Variants in GRK5 observed in about 807,000 individuals in gnomAD.
GRK5 encodes the protein g protein-coupled receptor kinase GRK5.
In GRK5, 40 loss-of-function variants were observed where a neutral mutation model predicts 78.4. That is an observed-to-expected ratio of 0.51 (90% CI 0.40 to 0.66). GRK5 has a LOEUF of 0.66. Among genes scored for constraint, GRK5 ranks in the 30% least tolerant of loss-of-function variants. GRK5 has a pLI of 0.00. For missense variants in GRK5, 598 were observed against 759.9 expected, an observed-to-expected ratio of 0.79 and a Z score of 2.50; for synonymous variants, 289 against 296.8, an observed-to-expected ratio of 0.97 and a Z score of 0.27.
At chr10:119,263,103 G>A (rs1469530333) in intron 1 of GRK5, among the ~76,000 whole-genome samples, 1 of 152,098 alleles carries the variant, frequency 6.6e-6, no homozygotes, top group Non-Finnish European at 1.5e-5. Context: ...CGTCTTCTGA[G>A]TTCAAGCCAT....
At chr10:119,363,965 A>G (rs1851404715) in intron 2 of GRK5, among the ~76,000 whole-genome samples, 1 of 152,194 alleles carries the variant, frequency 6.6e-6, no homozygotes, top group African/African-American at 2.4e-5. Flanking sequence ...AGGACTATGC[A>G]TGGGTTCACG....
At chr10:119,400,505 T>C (rs1367151102) in intron 4 of GRK5, among the ~76,000 whole-genome samples, 2 of 151,976 alleles carry the variant, frequency 1.3e-5, no homozygotes, top group Admixed American at 6.6e-5. Context: ...AGAGTGCACA[T>C]GGCAGCTTCC....
At chr10:119,345,872 G>GA (rs1432441524) in intron 2 of GRK5, among the ~76,000 whole-genome samples, 1 of 149,856 alleles carries the variant, frequency 6.7e-6, no homozygotes, top group African/African-American at 2.5e-5. Flanking sequence ...TGCATAAACA[G>GA]AAAAAAACAG....
At chr10:119,438,215 AG>A (rs1388468201) in intron 9 of GRK5, among the ~76,000 whole-genome samples, 5 of 152,126 alleles carry the variant, frequency 3.3e-5, no homozygotes, top group Non-Finnish European at 7.4e-5. Flanking sequence ...CATACTCGGG[AG>A]GGGAGGAGGC....
intron 1 of GRK5, among the ~76,000 whole-genome samples, chr10:119,295,224 C>T (rs1331946961): frequency 1.3e-5 from 2 of 150,942 alleles, no homozygotes; most frequent in Non-Finnish European, 2.9e-5. Flanking sequence ...GTCAACCAGT[C>T]CCTCCATCAG....
chr10:119,245,147 G>C (rs1199580160), intron 1 of GRK5, among the ~76,000 whole-genome samples: 2 of 152,090 alleles, frequency 1.3e-5, no homozygotes, highest in African/African-American at 4.8e-5. Context: ...GCGTGGTTGC[G>C]TGTGCCTGTA....
At chr10:119,233,966 A>G (rs1848876875) in intron 1 of GRK5, among the ~76,000 whole-genome samples, 1 of 152,188 alleles carries the variant, frequency 6.6e-6, no homozygotes, top group South Asian at 2.1e-4. Context: ...TGAGTCCGGA[A>G]GTGGATTCTG....
intron 4 of GRK5, among the ~76,000 whole-genome samples, chr10:119,417,742 G>A (rs1281499347): frequency 6.6e-6 from 1 of 152,170 alleles, no homozygotes; most frequent in Non-Finnish European, 1.5e-5. Context: ...TGCATGAGAT[G>A]AGGACAAAAA....
rs568199118 is a variant in GRK5 at position 119,412,207 on chromosome 10, A to G, written c.340-10959A>G. Among the ~76,000 whole-genome samples the G allele has an allele frequency of 6.6e-6, 1 of 152,064 alleles. No individual in the cohort carries two copies. Among genetic ancestry groups the G allele is most frequent in the African/African-American group, 2.4e-5 (1 of 41,508 alleles). On this transcript the variant is annotated intron_variant, in intron 4 of 15. Transcript: ENST00000392870. The surrounding 1 kb of genome is among the most constrained non-coding windows in gnomAD (Gnocchi z 4.3). ...ACCTTCATGGGAAACGGTGAGCATC[A>G]CCTTCCTTTGAACTCAAAAGAGGCA...
chr10:119,448,170 G>A lies in GRK5; in HGVS notation c.1314G>A (p.Gly438=). Residue 438 remains glycine, a synonymous_variant, in exon 13 of 16, where the codon GGG becomes GGA. Coordinates refer to ENST00000392870, the MANE Select transcript of GRK5 (RefSeq NM_005308.3). Reference sequence around the variant, plus strand: ...AGAGGCTGGGCTGCCAGGAGGAGGGGGCTGCAGAGGTCAAGAGACACCCCT... The same window carrying A: ...AGAGGCTGGGCTGCCAGGAGGAGGGAGCTGCAGAGGTCAAGAGACACCCCT... ...AKQRLGCQEE[G]AAEVKRHPFF... is the part of the protein sequence containing the mutation. 3 of 1,579,240 alleles carry A rather than the reference G, an allele frequency of 1.9e-6. No individual in the cohort carries two copies. Among genetic ancestry groups the A allele is most frequent in the Non-Finnish European group, 2.6e-6 (3 of 1,166,712 alleles).
intron 1 of GRK5, among the ~76,000 whole-genome samples, chr10:119,224,633 C>A (rs1411052779): frequency 6.6e-6 from 1 of 152,058 alleles, no homozygotes; most frequent in East Asian, 1.9e-4. Context: ...AGGCTGGTCT[C>A]GAACTTCTGA....
At chr10:119,242,977 G>A (rs770752810) in intron 1 of GRK5, among the ~76,000 whole-genome samples, 2 of 152,146 alleles carry the variant, frequency 1.3e-5, no homozygotes, top group African/African-American at 2.4e-5. Context: ...AGTGGCTCAC[G>A]CCTATAATCC....
chr10:119,348,296 C>T (rs1851133339), intron 2 of GRK5, among the ~76,000 whole-genome samples: 1 of 152,222 alleles, frequency 6.6e-6, no homozygotes. Flanking sequence ...ATTTTCCCCT[C>T]CCTCTTTTGC....
rs1405916681 is a variant in GRK5, at chr10:119,455,404, T to G, written c.*337T>G. Reference sequence around the variant, plus strand: ...TTATGATTTTTAAAGAAAAGTTTTGTAAATTTCTCTACTGTCTCAGTTTAC... The same window carrying G: ...TTATGATTTTTAAAGAAAAGTTTTGGAAATTTCTCTACTGTCTCAGTTTAC... On this transcript the variant is annotated 3_prime_UTR_variant, in exon 16 of 16. Transcript: ENST00000392870. The G allele has an allele frequency of 1.5e-5, 7 of 476,618 alleles. No individual in the cohort carries two copies. The allele number at this position is 476,618 out of a possible 1,614,324, so 29.5% of individuals were successfully genotyped here.
intron 2 of GRK5, among the ~76,000 whole-genome samples, chr10:119,364,456 G>A (rs1288940514): frequency 6.6e-6 from 1 of 152,156 alleles, no homozygotes; most frequent in Non-Finnish European, 1.5e-5. Context: ...TGTCCTGGTG[G>A]TGGTTGCTTG....
intron 1 of GRK5, among the ~76,000 whole-genome samples, chr10:119,239,573 G>A (rs1480823220): frequency 6.6e-6 from 1 of 152,084 alleles, no homozygotes; most frequent in Admixed American, 6.6e-5. Flanking sequence ...GGATACATGT[G>A]CAGAACGTGC....
At chr10:119,418,292 C>T (rs987084997) in intron 4 of GRK5, among the ~76,000 whole-genome samples, 11 of 152,162 alleles carry the variant, frequency 7.2e-5, no homozygotes, top group African/African-American at 2.7e-4. Flanking sequence ...TACCTCTGTC[C>T]CTCCCCAGCT....
intron 1 of GRK5, among the ~76,000 whole-genome samples, chr10:119,263,818 C>T (rs1028430147): frequency 6.6e-6 from 1 of 152,110 alleles, no homozygotes; most frequent in Non-Finnish European, 1.5e-5. Flanking sequence ...GTCCCAGCTA[C>T]TCAGGAGACT....
Position 119,329,414 on chromosome 10 carries a change from G to A in GRK5, c.148+2803G>A, listed in dbSNP as rs539185503. 2.0e-4 allele frequency among the ~76,000 whole-genome samples: 31 copies of A among 152,312 alleles called. 1 individual carries two copies. Among genetic ancestry groups the A allele is most frequent in the Admixed American group, 4.6e-4 (7 of 15,308 alleles). On this transcript the variant is annotated intron_variant, in intron 2 of 15. Transcript: ENST00000392870. Reference sequence around the variant, plus strand: ...AGACTGGCTGGGGACCTCGAGCCATGAGGGACGACACAGCAGTGAGCTTCC... The same window carrying A: ...AGACTGGCTGGGGACCTCGAGCCATAAGGGACGACACAGCAGTGAGCTTCC...
Sources: gnomAD v4.1 joint callset for allele counts (sites outside exome capture counted in the v4.1 genomes callset) on GRCh38, gnomAD v4.1.1 for gene constraint, Gnocchi (gnomAD v3.1) non-coding constraint, MANE v1.5 for transcripts, NCBI Gene and HGNC (gene_info 2026-07-23, HGNC 2026-07-21) for gene names.